Variants in ARB2A observed in about 807,000 individuals in gnomAD.
ARB2A encodes the protein ARB2 cotranscriptional regulator A.
the ARB2A span, chr5:94,055,793 C>T: frequency 1.9e-5 from 19 of 985,398 alleles, no homozygotes; most frequent in Non-Finnish European, 2.2e-5. Flanking sequence ...TCCTTGACTT[C>T]GCAGTCATCT....
chr5:93,622,011 T>C, the ARB2A span, among the ~76,000 whole-genome samples: 7 of 152,196 alleles, frequency 4.6e-5, no homozygotes, highest in Non-Finnish European at 2.9e-5. Flanking sequence ...GATGTAATAC[T>C]AATGTACAGC....
chr5:93,924,713 T>C, the ARB2A span, among the ~76,000 whole-genome samples: 1 of 152,112 alleles, frequency 6.6e-6, no homozygotes, highest in Non-Finnish European at 1.5e-5. Flanking sequence ...AACTCTAAAG[T>C]GTTGAATGAC....
the ARB2A span, among the ~76,000 whole-genome samples, chr5:93,830,318 T>C: frequency 8.5e-6 from 1 of 117,200 alleles, no homozygotes; most frequent in African/African-American, 3.2e-5. Flanking sequence ...TGTGTATATA[T>C]ATATATATAT....
At chr5:93,722,542 G>T in the ARB2A span, among the ~76,000 whole-genome samples, 1 of 152,056 alleles carries the variant, frequency 6.6e-6, no homozygotes, top group East Asian at 1.9e-4. Context: ...AAGAAAAAAA[G>T]CTTTCTAGCT....
At chr5:94,012,700 T>C in the ARB2A span, among the ~76,000 whole-genome samples, 3 of 152,248 alleles carry the variant, frequency 2.0e-5, no homozygotes, top group East Asian at 5.8e-4. Flanking sequence ...GTAAGCAAAA[T>C]AAATGCTTAT....
chr5:93,897,811 A>T, the ARB2A span, among the ~76,000 whole-genome samples: 6 of 151,672 alleles, frequency 4.0e-5, no homozygotes, highest in Admixed American at 6.6e-5. Flanking sequence ...GAATTCGAAC[A>T]TCTTAATTAT....
chr5:94,105,334 C>T, the ARB2A span, among the ~76,000 whole-genome samples: 1 of 151,936 alleles, frequency 6.6e-6, no homozygotes, highest in Non-Finnish European at 1.5e-5. Context: ...AGTAGCATTT[C>T]AGCAATAACG....
At chr5:93,956,677 A>T in the ARB2A span, among the ~76,000 whole-genome samples, 29 of 140,148 alleles carry the variant, frequency 2.1e-4, no homozygotes, top group East Asian at 8.0e-4. Flanking sequence ...AGCCTAATTT[A>T]AAAAAAAAAA....
At chr5:93,793,213 C>T in the ARB2A span, among the ~76,000 whole-genome samples, 1 of 146,168 alleles carries the variant, frequency 6.8e-6, no homozygotes, top group Non-Finnish European at 1.5e-5. Context: ...GTTACAACTA[C>T]AGGCGTACAC....
chr5:93,799,626 C>T, the ARB2A span, among the ~76,000 whole-genome samples: 1 of 152,048 alleles, frequency 6.6e-6, no homozygotes, highest in Non-Finnish European at 1.5e-5. Context: ...AGGAGAAAAA[C>T]CTATTATAAA....
chr5:93,937,599 A>C, the ARB2A span, among the ~76,000 whole-genome samples: 2 of 151,866 alleles, frequency 1.3e-5, no homozygotes, highest in African/African-American at 4.8e-5. Context: ...TGACAGAGGG[A>C]GACTCCATCT....
the ARB2A span, among the ~76,000 whole-genome samples, chr5:93,965,713 G>A: frequency 6.6e-6 from 1 of 151,920 alleles, no homozygotes; most frequent in Non-Finnish European, 1.5e-5. Flanking sequence ...AATTTTAGCA[G>A]AAACATAATT....
the ARB2A span, among the ~76,000 whole-genome samples, chr5:93,876,844 A>G: frequency 2.6e-5 from 4 of 152,108 alleles, no homozygotes; most frequent in Non-Finnish European, 4.4e-5. Context: ...CATCAAAAAC[A>G]TATTTTTGGA....
the ARB2A span, among the ~76,000 whole-genome samples, chr5:94,068,192 T>G: frequency 6.6e-6 from 1 of 152,096 alleles, no homozygotes; most frequent in Non-Finnish European, 1.5e-5. Context: ...ATGCGGTGAG[T>G]GTTATAGCTC....
the ARB2A span, among the ~76,000 whole-genome samples, chr5:93,996,208 T>A: frequency 3.9e-4 from 59 of 152,250 alleles, no homozygotes; most frequent in Non-Finnish European, 7.5e-4. Context: ...TACCTAAATA[T>A]ATACATACAC....
the ARB2A span, among the ~76,000 whole-genome samples, chr5:93,789,987 C>T: frequency 6.6e-6 from 1 of 152,222 alleles, no homozygotes; most frequent in Admixed American, 6.5e-5. Flanking sequence ...CTGCAGTTCA[C>T]ACCTCTAATC....
At chr5:94,054,444 T>C in the ARB2A span, among the ~76,000 whole-genome samples, 2 of 152,162 alleles carry the variant, frequency 1.3e-5, no homozygotes, top group Non-Finnish European at 2.9e-5. Flanking sequence ...GTTCGTCTAA[T>C]GTTTCTGCTT....
the ARB2A span, among the ~76,000 whole-genome samples, chr5:93,842,512 AT>A: frequency 1.3e-5 from 2 of 152,226 alleles, no homozygotes; most frequent in Admixed American, 6.5e-5. Flanking sequence ...ATGGTAAAAG[AT>A]TTTTTTTAAT....
At chr5:93,920,263 G>C in the ARB2A span, among the ~76,000 whole-genome samples, 4 of 152,074 alleles carry the variant, frequency 2.6e-5, no homozygotes, top group African/African-American at 9.7e-5. Context: ...TATTTACATG[G>C]ATTATTTCAC....
Sources: allele counts gnomAD v4.1 joint callset (sites outside exome capture counted in the v4.1 genomes callset), GRCh38; gene constraint gnomAD v4.1.1; transcripts MANE v1.5; gene names NCBI Gene and HGNC (gene_info 2026-07-23, HGNC 2026-07-21).